Variants in LCP1 observed in about 807,000 individuals in gnomAD.
LCP1 encodes the protein lymphocyte cytosolic protein 1.
A neutral mutation model predicts 72.0 loss-of-function variants in LCP1; 23 were observed. That is an observed-to-expected ratio of 0.32 (90% CI 0.23 to 0.45). The LOEUF (loss-of-function observed/expected upper bound fraction) is 0.45, where lower values mean the gene tolerates loss of function less well. LCP1 is among the 20% of genes least tolerant of loss of function. The pLI, the probability that LCP1 is intolerant of heterozygous loss-of-function variation, is 1.00. For missense variants in LCP1, 571 were observed against 748.3 expected (o/e 0.76, Z 2.76); for synonymous variants, 245 against 275.4 (o/e 0.89, Z 1.09).
chr13:46,134,088 G>C (rs781764871), intron 14 of LCP1, 39 bp downstream of exon 14: 9 of 1,608,420 alleles, frequency 5.6e-6, no homozygotes, highest in Non-Finnish European at 6.8e-6. Context: ...GATAGGCATA[G>C]AGCTCAGATG....
Position 46,127,560 on chromosome 13 carries a change from T to A in LCP1, c.*31A>T. ...TCTGTGCCGGGCAGTCAGGAGTGAGTGCACCGCCTCCCACCCAGCCCCATT... is the reference window on the plus strand; with the variant it reads ...TCTGTGCCGGGCAGTCAGGAGTGAGAGCACCGCCTCCCACCCAGCCCCATT... On this transcript the variant is annotated 3_prime_UTR_variant, in exon 16 of 16. Transcript: ENST00000323076. The A allele has an allele frequency of 6.2e-7, 1 of 1,612,844 alleles. No homozygotes were observed. Among genetic ancestry groups the A allele is most frequent in the African/African-American group, 1.3e-5 (1 of 74,940 alleles).
At chr13:46,138,494 G>A (rs1487574478) in intron 13 of LCP1, among the ~76,000 whole-genome samples, 1 of 152,266 alleles carries the variant, frequency 6.6e-6, no homozygotes, top group South Asian at 2.1e-4. Context: ...TTAACCAGGT[G>A]GAGACAGCAA....
At chr13:46,148,577 G>T in intron 8 of LCP1, 130 bp from the exon 9 acceptor site, 1 of 565,838 alleles carries the variant, frequency 1.8e-6, no homozygotes, top group South Asian at 2.1e-5. Flanking sequence ...ACTTAACAAA[G>T]CTAGAAACAT....
At chr13:46,154,655 T>A in intron 6 of LCP1, 150 bp downstream of exon 6, 2 of 595,762 alleles carry the variant, frequency 3.4e-6, no homozygotes, top group East Asian at 2.9e-5. Context: ...CAGAAATGTA[T>A]CCCTTTATCC....
chr13:46,173,786 G>A (rs57450708), intron 1 of LCP1, among the ~76,000 whole-genome samples: 8,925 of 152,278 alleles, frequency 0.059, 354 homozygotes, highest in South Asian at 0.079. Context: ...CATCCTGAGT[G>A]GTGAAGGGGC....
At chr13:46,170,268 C>T (rs2045898588) in intron 1 of LCP1, among the ~76,000 whole-genome samples, 1 of 152,214 alleles carries the variant, frequency 6.6e-6, no homozygotes, top group African/African-American at 2.4e-5. Flanking sequence ...GGAAAGACAA[C>T]TTTGGTGAGT....
intron 13 of LCP1, 60 bp downstream of exon 13, chr13:46,142,232 T>C: frequency 6.4e-7 from 1 of 1,553,488 alleles, no homozygotes; most frequent in Admixed American, 1.7e-5. Context: ...AAAAATTTGC[T>C]AATATTTGTC....
intron 13 of LCP1, among the ~76,000 whole-genome samples, chr13:46,138,340 T>C (rs1490347277): frequency 1.3e-5 from 2 of 152,204 alleles, no homozygotes; most frequent in Non-Finnish European, 2.9e-5. Flanking sequence ...TTTTAATATA[T>C]AGCATGCAGG....
intron 13 of LCP1, among the ~76,000 whole-genome samples, chr13:46,138,527 T>C (rs1359742573): frequency 6.6e-6 from 1 of 152,246 alleles, no homozygotes; most frequent in Non-Finnish European, 1.5e-5. Flanking sequence ...CCTTGTTGTG[T>C]ATGTGCCAGC....
chr13:46,173,350 G>A (rs934323600), intron 1 of LCP1, among the ~76,000 whole-genome samples: 1 of 152,172 alleles, frequency 6.6e-6, no homozygotes, highest in African/African-American at 2.4e-5. Flanking sequence ...TCATAGGGCA[G>A]CATTAGGATT....
In LCP1 at chr13:46,156,449, GCCATCT is replaced by G; in HGVS notation, c.474_479del (p.Asp159_Gly160del). 2 of 1,613,706 alleles carry G rather than the reference GCCATCT, an allele frequency of 1.2e-6. No homozygotes were observed. The highest frequency in any genetic ancestry group is 1.7e-6 in the Non-Finnish European group (2 of 1,179,820). ...GAAGTATTATTTACCAAAGGACAAT[GCCATCT>G]CCAACAGCATTAAAGAGATCATTCG... On this transcript the variant is annotated inframe_deletion, in exon 5 of 16. Transcript: ENST00000323076.
At chr13:46,139,908 C>T (rs571607414) in intron 13 of LCP1, among the ~76,000 whole-genome samples, 2 of 152,280 alleles carry the variant, frequency 1.3e-5, no homozygotes, top group African/African-American at 2.4e-5. Flanking sequence ...ACAGGGCCCA[C>T]ATTTAAACAC....
intron 1 of LCP1, among the ~76,000 whole-genome samples, chr13:46,162,635 G>C (rs1283383990): frequency 3.3e-5 from 5 of 152,100 alleles, no homozygotes; most frequent in Non-Finnish European, 7.4e-5. Flanking sequence ...GCAGTGGCGT[G>C]ATCTCGGCTA....
chr13:46,144,085 A>G (rs1348432826), intron 11 of LCP1, among the ~76,000 whole-genome samples: 1 of 151,868 alleles, frequency 6.6e-6, no homozygotes, highest in East Asian at 1.9e-4. Flanking sequence ...GAAATATTGA[A>G]AAAAAAAAGA....
At position 46,148,429 on chromosome 13, in the gene LCP1, G is replaced by A. The variant is rs769170445; in HGVS notation, c.901C>T (p.His301Tyr). The A allele has an allele frequency of 2.5e-6, 4 of 1,610,522 alleles. 1 individual carries two copies. In the South Asian group the frequency reaches 3.3e-5, roughly 13 times the overall value. Residue 301 changes from histidine to tyrosine, a missense_variant, in exon 9 of 16, where the codon CAC becomes TAC. Physicochemically the swap from His to Tyr is moderately conservative, Grantham distance 83 (BLOSUM62 2). Transcript: ENST00000323076. ...TDIKDSKAYY[H>Y]LLEQVAPKGD... Reference sequence around the variant, plus strand: ...TTTGGAGCCACCTGCTCAAGCAGGTGGTAATAAGCTTTTGAGTCCTGTGAG... The same window carrying A: ...TTTGGAGCCACCTGCTCAAGCAGGTAGTAATAAGCTTTTGAGTCCTGTGAG...
chr13:46,149,954 T>C (rs1460564948), intron 8 of LCP1, among the ~76,000 whole-genome samples: 1 of 152,206 alleles, frequency 6.6e-6, no homozygotes, highest in Non-Finnish European at 1.5e-5. Flanking sequence ...GTTAGAAAGA[T>C]GGATTTAGCT....
chr13:46,143,334 C>T lies in LCP1; in HGVS notation c.1324G>A (p.Val442Ile), dbSNP rs2045709484. ...AGTTTGGGGTATGGCGGTTTGTTTA[C>T]TCTGTTCCAGTCAACAGGAACTTTG... ...KIKVPVDWNR[V>I]NKPPYPKLGG... Residue 442 changes from valine (V) to isoleucine (I), a missense_variant, in exon 12 of 16, where the codon GTA becomes ATA. Val to Ile is a conservative substitution (Grantham distance 29). Coordinates refer to ENST00000323076, the MANE Select transcript of LCP1 (RefSeq NM_002298.5). 6.2e-7 allele frequency: 1 copy of T among 1,613,914 alleles called. No individual in the cohort carries two copies. The highest frequency in any genetic ancestry group is 8.5e-7 in the Non-Finnish European group (1 of 1,179,932).
chr13:46,180,271 A>C (rs1201031500), intron 1 of LCP1, among the ~76,000 whole-genome samples: 1 of 152,146 alleles, frequency 6.6e-6, no homozygotes, highest in Non-Finnish European at 1.5e-5. Flanking sequence ...GTAATGCATA[A>C]AGAGTAGCTG....
At chr13:46,169,502 C>T (rs879726777) in intron 1 of LCP1, 1 of 152,280 alleles carries the variant, frequency 6.6e-6, no homozygotes, top group Non-Finnish European at 1.5e-5. Context: ...TGCAGTGGCT[C>T]TTCACAGGTG....
Sources: gnomAD v4.1 joint callset for allele counts (sites outside exome capture counted in the v4.1 genomes callset) on GRCh38, gnomAD v4.1.1 for gene constraint, MANE v1.5 for transcripts, NCBI Gene and HGNC (gene_info 2026-07-23, HGNC 2026-07-21) for gene names.